Variants in SLC17A1 observed in about 807,000 individuals in gnomAD.
SLC17A1 encodes solute carrier family 17 member 1.
Under a neutral mutation model 53.5 loss-of-function variants are expected in SLC17A1, and 51 were observed. That is an observed-to-expected ratio of 0.95 (90% CI 0.76 to 1.20). SLC17A1 has a LOEUF of 1.20. SLC17A1 is among the 50% of genes most tolerant of loss of function. The pLI is 0.00. For synonymous variants in SLC17A1, 179 were observed against 198.8 expected, an observed-to-expected ratio of 0.90 and a Z score of 0.84; for missense variants, 538 against 568.2, an observed-to-expected ratio of 0.95 and a Z score of 0.54.
chr6:25,777,064 A>G, the SLC17A1 span: 1 of 1,229,800 alleles, frequency 8.1e-7, no homozygotes. Flanking sequence ...AACAGGTTGC[A>G]GGAAATGTCA....
the SLC17A1 span, among the ~76,000 whole-genome samples, chr6:25,775,374 G>A: frequency 6.7e-6 from 1 of 149,910 alleles, no homozygotes; most frequent in African/African-American, 2.4e-5. Flanking sequence ...TTTCATTACT[G>A]TTCCTAATCT....
the SLC17A1 span, among the ~76,000 whole-genome samples, chr6:25,770,684 T>G: frequency 6.6e-6 from 1 of 152,224 alleles, no homozygotes; most frequent in Non-Finnish European, 1.5e-5. Flanking sequence ...TATTTTCATC[T>G]TATCCTCAAA....
chr6:25,812,795 C>A, intron 8 of SLC17A1, 36 bp downstream of exon 8: 1 of 1,502,960 alleles, frequency 6.7e-7, no homozygotes, highest in South Asian at 1.2e-5. Flanking sequence ...CAGAGTCTTT[C>A]GTGAAGTTAA....
the SLC17A1 span, among the ~76,000 whole-genome samples, chr6:25,741,732 A>G: frequency 1.3e-5 from 2 of 151,820 alleles, no homozygotes; most frequent in African/African-American, 2.4e-5. Flanking sequence ...AACAGCAAAA[A>G]TACAAAAAGA....
chr6:25,820,683 A>G (rs1764524374), intron 3 of SLC17A1, among the ~76,000 whole-genome samples: 1 of 152,006 alleles, frequency 6.6e-6, no homozygotes, highest in Non-Finnish European at 1.5e-5. Context: ...GATCGAGACC[A>G]TCCTGGCTAA....
In SLC17A1 at chr6:25,800,947, T is replaced by G; in HGVS notation, c.1212A>C (p.Leu404Phe). The change falls in exon 11 of 13, where the codon TTA becomes TTC. Residue 404 changes from leucine to phenylalanine, a missense_variant. Coordinates refer to ENST00000244527, the MANE Select transcript of SLC17A1 (RefSeq NM_005074.5). ...YFGFIKACST[L>F]TGMIGGLIAS... ...CAATTAGTCCTCCTATCATTCCAGT[T>G]AAAGTTGAACATGCTTTAATAAATC... 4 of 1,608,762 alleles carry G rather than the reference T, an allele frequency of 2.5e-6. No homozygotes were observed. Among genetic ancestry groups the G allele is most frequent in the Non-Finnish European group, 3.4e-6 (4 of 1,175,320 alleles).
At chr6:25,826,730 T>C in intron 2 of SLC17A1, 97 bp from the exon 3 acceptor site, 1 of 777,322 alleles carries the variant, frequency 1.3e-6, no homozygotes, top group Non-Finnish European at 1.8e-6. Context: ...GAGCCCTAGA[T>C]ATTAATTTAA....
Position 25,811,745 on chromosome 6 carries a change from T to TAGGGA in SLC17A1, c.918_922dup (p.Tyr308PhefsTer12). The TAGGGA allele has an allele frequency of 6.2e-7, 1 of 1,613,578 alleles. No homozygotes were observed. Among genetic ancestry groups the TAGGGA allele is most frequent in the African/African-American group, 1.3e-5 (1 of 74,956 alleles). ...GTTACCACAGATCCAGGCAAACAAA[T>TAGGGA]AGGGAAGGGAAGACAAGAACCCATT... On this transcript the variant is annotated frameshift_variant, in exon 9 of 13. Transcript: ENST00000244527. LOFTEE classifies it high-confidence loss of function.
At chr6:25,811,050 G>A (rs773687680) in intron 10 of SLC17A1, among the ~76,000 whole-genome samples, 7 of 152,044 alleles carry the variant, frequency 4.6e-5, no homozygotes, top group Non-Finnish European at 1.0e-4. Context: ...TTACAAAATT[G>A]GACTTAGAAT....
Position 25,811,515 on chromosome 6 carries a change from C to A in SLC17A1, c.1061G>T (p.Cys354Phe), listed in dbSNP as rs1365608553. The change falls in exon 10 of 13, where the codon TGC becomes TTC. Residue 354 changes from cysteine (C) to phenylalanine (F), a missense_variant. Transcript: ENST00000244527. ...GAAGGTGGAACTCAGGTAAGGCAGG[C>A]AGACACCAAAGATTGCAGGAAGGAG... Reference protein sequence around the residue: ...GFLLPAIFGVCLPYLSSTFYS... With the variant: ...GFLLPAIFGVFLPYLSSTFYS... 6.2e-7 allele frequency: 1 copy of A among 1,613,794 alleles called. No individual in the cohort carries two copies. The highest frequency in any genetic ancestry group is 8.5e-7 in the Non-Finnish European group (1 of 1,179,920).
the SLC17A1 span, among the ~76,000 whole-genome samples, chr6:25,760,077 C>A: frequency 6.6e-6 from 1 of 152,180 alleles, no homozygotes; most frequent in Non-Finnish European, 1.5e-5. Context: ...AACAATAGCT[C>A]ATTTCCCCAC....
chr6:25,738,418 T>C, the SLC17A1 span, among the ~76,000 whole-genome samples: 830 of 152,254 alleles, frequency 5.5e-3, 5 homozygotes, highest in Middle Eastern at 0.024. Flanking sequence ...ATATAGATCA[T>C]ATATTTAAAT....
chr6:25,786,616 A>G (rs975167585), intron 12 of SLC17A1, among the ~76,000 whole-genome samples: 17 of 152,248 alleles, frequency 1.1e-4, no homozygotes, highest in Admixed American at 2.6e-4. Flanking sequence ...GGAAAAACCA[A>G]GTGCATTTCC....
At chr6:25,724,921 G>A in the SLC17A1 span, among the ~76,000 whole-genome samples, 3 of 151,464 alleles carry the variant, frequency 2.0e-5, no homozygotes, top group Non-Finnish European at 4.4e-5. Context: ...GTCCTTACTC[G>A]GCATGTTTTA....
chr6:25,758,988 A>G, the SLC17A1 span, among the ~76,000 whole-genome samples: 326 of 152,184 alleles, frequency 2.1e-3, 1 homozygote, highest in African/African-American at 7.3e-3. Flanking sequence ...AGGTTTTGAT[A>G]GGTTATGTCA....
the SLC17A1 span, chr6:25,727,295 C>T: frequency 1.3e-6 from 2 of 1,584,600 alleles, no homozygotes; most frequent in Non-Finnish European, 1.7e-6. Flanking sequence ...CCAAGTAAGC[C>T]TGCTAAGTAA....
rs754678447 is a variant in SLC17A1, at chr6:25,798,888, A to T, written c.1301T>A (p.Ile434Asn). 3 of 1,602,810 alleles carry T rather than the reference A, an allele frequency of 1.9e-6. No individual in the cohort carries two copies. Among genetic ancestry groups the T allele is most frequent in the Non-Finnish European group, 2.6e-6 (3 of 1,172,212 alleles). ...AGTCACATTAATGGCTGCCATCAGG[A>T]TGAAGGTTTTAAACCAGGCGGATTC... Reference protein sequence around the residue: ...DPESAWFKTFILMAAINVTGL... With the variant: ...DPESAWFKTFNLMAAINVTGL... Residue 434 changes from isoleucine to asparagine, a missense_variant, in exon 12 of 13, where the codon ATC becomes AAC. Ile to Asn is a moderately radical substitution (Grantham distance 149). Coordinates refer to ENST00000244527, the MANE Select transcript of SLC17A1 (RefSeq NM_005074.5).
chr6:25,775,281 G>A, the SLC17A1 span, among the ~76,000 whole-genome samples: 3 of 150,714 alleles, frequency 2.0e-5, no homozygotes, highest in Non-Finnish European at 4.4e-5. Context: ...TCAGTGAGCC[G>A]AGATTATGAC....
chr6:25,726,959 G>A, the SLC17A1 span: 5 of 1,614,086 alleles, frequency 3.1e-6, no homozygotes, highest in East Asian at 2.2e-5. Context: ...AGGGCTTTAA[G>A]AAAGCTGTCG....
Sources: allele counts gnomAD v4.1 joint callset (sites outside exome capture counted in the v4.1 genomes callset), GRCh38; gene constraint gnomAD v4.1.1; transcripts MANE v1.5; gene names NCBI Gene and HGNC (gene_info 2026-07-23, HGNC 2026-07-21).